ANKRD30B: variants seen among roughly 807,000 people sequenced by gnomAD.
The protein encoded by ANKRD30B is ankyrin repeat domain-containing protein 30B.
A neutral mutation model predicts 202.2 loss-of-function variants in ANKRD30B; 144 were observed. The ratio of observed to expected loss-of-function variants is 0.71; its 90% CI spans 0.62 to 0.82. ANKRD30B has a LOEUF of 0.82. Ranked by LOEUF, ANKRD30B falls within the 40% of genes least tolerant of loss-of-function variation. ANKRD30B has a pLI of 0.00. For synonymous variants in ANKRD30B, 508 were observed against 561.3 expected (o/e 0.91, Z 1.34); for missense variants, 1,487 against 1,669.1 (o/e 0.89, Z 1.90).
rs1400054505 is a variant in ANKRD30B at position 14,782,627 on chromosome 18, T to A, written c.1570+13T>A. 6.5e-7 allele frequency: 1 copy of A among 1,527,040 alleles called. No individual in the cohort carries two copies. Among genetic ancestry groups the A allele is most frequent in the Non-Finnish European group, 8.8e-7 (1 of 1,131,574 alleles). The allele number at this position is 1,527,040 out of a possible 1,614,324, so 94.6% of individuals were successfully genotyped here. A position where few individuals can be genotyped will look rare whatever the true frequency, so the allele number is the denominator to read the frequency against. ...AGAGAAGTAGAAGGTAAGAACAACT[T>A]TTTATTTGAAAAGTCTTTTAACCAT... On this transcript the variant is annotated intron_variant, in intron 12 of 43. Transcript: ENST00000690538.
chr18:14,874,446 G>A, the ANKRD30B span, among the ~76,000 whole-genome samples: 3 of 152,128 alleles, frequency 2.0e-5, no homozygotes, highest in Admixed American at 2.0e-4. Flanking sequence ...GTAATTCTAA[G>A]GAACAAATTG....
At chr18:14,870,625 C>A in the ANKRD30B span, among the ~76,000 whole-genome samples, 2 of 152,150 alleles carry the variant, frequency 1.3e-5, no homozygotes, top group African/African-American at 2.4e-5. Context: ...CTCACTTAGG[C>A]ATCCACCTAG....
intron 42 of ANKRD30B, chr18:14,852,624 A>T (rs1971939952): frequency 1.8e-6 from 1 of 556,620 alleles, no homozygotes; most frequent in Non-Finnish European, 2.7e-6. Context: ...TGTGTCACTG[A>T]TGAAATTATA....
intron 34 of ANKRD30B, among the ~76,000 whole-genome samples, chr18:14,833,704 G>A (rs1971053314): frequency 6.6e-6 from 1 of 152,080 alleles, no homozygotes; most frequent in Non-Finnish European, 1.5e-5. Flanking sequence ...ATAACAAATT[G>A]TAGTGTAAAT....
chr18:14,931,224 A>T, the ANKRD30B span, among the ~76,000 whole-genome samples: 1 of 152,244 alleles, frequency 6.6e-6, no homozygotes, highest in Admixed American at 6.5e-5. Context: ...GATGGAAGAG[A>T]CTTTAGAGGC....
chr18:14,823,408 T>C (rs1970532209), intron 32 of ANKRD30B, among the ~76,000 whole-genome samples: 1 of 151,334 alleles, frequency 6.6e-6, no homozygotes, highest in Non-Finnish European at 1.5e-5. Context: ...AAAGTTTCAC[T>C]TGCTGACATG....
chr18:14,781,517 A>G lies in ANKRD30B; in HGVS notation c.1483-1010A>G, dbSNP rs536919299. 5.9e-5 allele frequency among the ~76,000 whole-genome samples: 9 copies of G among 152,272 alleles called. No individual in the cohort carries two copies. The South Asian group carries it at 1.9e-3, about 32-fold the overall frequency. On this transcript the variant is annotated intron_variant, in intron 11 of 43. Transcript: ENST00000690538. ...TTTCACCGTGTTAGCCAGGAGACTT[A>G]TTCTTAACATTCTCTTTATGCCATG...
At chr18:14,879,073 G>C in the ANKRD30B span, among the ~76,000 whole-genome samples, 20 of 151,832 alleles carry the variant, frequency 1.3e-4, no homozygotes, top group Middle Eastern at 3.4e-3. Flanking sequence ...GCACAGACCC[G>C]GGGGACACCG....
At chr18:14,892,215 T>A in the ANKRD30B span, among the ~76,000 whole-genome samples, 20 of 152,354 alleles carry the variant, frequency 1.3e-4, 1 homozygote, top group Admixed American at 9.8e-4. Flanking sequence ...GCTTAGAGTG[T>A]CTTTCATGAT....
At chr18:14,862,876 A>G in the ANKRD30B span, among the ~76,000 whole-genome samples, 24 of 152,204 alleles carry the variant, frequency 1.6e-4, no homozygotes, top group Non-Finnish European at 2.9e-4. Context: ...ATTATTTTGG[A>G]GCTTGAAGGT....
chr18:14,776,153 A>G (rs1457229450), intron 9 of ANKRD30B, among the ~76,000 whole-genome samples: 1 of 152,196 alleles, frequency 6.6e-6, no homozygotes. Context: ...ATAGAAATAT[A>G]GCAGTTTGGA....
At chr18:14,787,205 A>C (rs1183828667) in intron 15 of ANKRD30B, 105 bp downstream of exon 15, 6 of 1,008,696 alleles carry the variant, frequency 5.9e-6, no homozygotes, top group African/African-American at 1.7e-5. Context: ...TGTCACCCCC[A>C]AATTATTTTT....
chr18:14,762,145 C>A (rs1915359313), intron 6 of ANKRD30B, among the ~76,000 whole-genome samples: 1 of 152,078 alleles, frequency 6.6e-6, no homozygotes, highest in South Asian at 2.1e-4. Context: ...ATTCTTACTG[C>A]CTTCATGTTG....
the ANKRD30B span, among the ~76,000 whole-genome samples, chr18:14,875,466 C>A: frequency 5.3e-5 from 8 of 152,066 alleles, no homozygotes; most frequent in African/African-American, 1.9e-4. Flanking sequence ...GTTATGGGCC[C>A]AAACACTTAT....
chr18:14,774,782 ATAAAC>A (rs1392999050), intron 9 of ANKRD30B, among the ~76,000 whole-genome samples: 2 of 152,100 alleles, frequency 1.3e-5, no homozygotes, highest in African/African-American at 4.8e-5. Context: ...CTACAATACT[ATAAAC>A]TACGTAAGAG....
intron 33 of ANKRD30B, chr18:14,830,296 C>T (rs1302811307): frequency 6.5e-6 from 1 of 152,806 alleles, no homozygotes; most frequent in African/African-American, 2.4e-5. Flanking sequence ...CTAGCAGTCT[C>T]TCTCCTTGGG....
chr18:14,931,104 C>A, the ANKRD30B span, among the ~76,000 whole-genome samples: 1 of 152,198 alleles, frequency 6.6e-6, no homozygotes, highest in East Asian at 1.9e-4. Flanking sequence ...GCACCCAGAG[C>A]CCTGAAGCTC....
the ANKRD30B span, among the ~76,000 whole-genome samples, chr18:14,860,728 A>G: frequency 6.6e-6 from 1 of 151,460 alleles, no homozygotes; most frequent in African/African-American, 2.4e-5. Context: ...TTTTGGAGAC[A>G]GAGTCTCACT....
At chr18:14,766,994 T>G (rs1916336666) in intron 7 of ANKRD30B, among the ~76,000 whole-genome samples, 1 of 152,216 alleles carries the variant, frequency 6.6e-6, no homozygotes, top group Non-Finnish European at 1.5e-5. Context: ...TTGATATGGT[T>G]GATATTTCTG....
Sources: gnomAD v4.1 joint callset for allele counts (sites outside exome capture counted in the v4.1 genomes callset) on GRCh38, gnomAD v4.1.1 for gene constraint, MANE v1.5 for transcripts, NCBI Gene and HGNC (gene_info 2026-07-23, HGNC 2026-07-21) for gene names.